Variants in SLC2A5 observed in about 807,000 individuals in gnomAD.
SLC2A5 encodes the protein solute carrier family 2, facilitated glucose transporter member 5.
Under a neutral mutation model 50.3 loss-of-function variants are expected in SLC2A5, and 56 were observed. The ratio of observed to expected loss-of-function variants is 1.11; its 90% CI spans 0.90 to 1.39. The LOEUF is 1.39. Ranked by LOEUF, SLC2A5 falls within the 40% of genes most tolerant of loss-of-function variation. SLC2A5 has a pLI of 0.00. For missense variants in SLC2A5, 566 were observed against 650.1 expected (o/e 0.87, Z 1.41); for synonymous variants, 269 against 281.9 (o/e 0.95, Z 0.46).
chr1:9,093,944 C>A, the SLC2A5 span, among the ~76,000 whole-genome samples: 1 of 152,114 alleles, frequency 6.6e-6, no homozygotes, highest in East Asian at 1.9e-4. Context: ...CAGGGCAGAT[C>A]AGGCCAACAA....
intron 2 of SLC2A5, among the ~76,000 whole-genome samples, chr1:9,081,876 G>A (rs936868561): frequency 6.6e-6 from 1 of 152,084 alleles, no homozygotes; most frequent in African/African-American, 2.4e-5. Context: ...TAGCCCAGGA[G>A]TTCAAGACCA....
chr1:9,071,009 T>C (rs1268360599), upstream of SLC2A5, among the ~76,000 whole-genome samples: 2 of 152,098 alleles, frequency 1.3e-5, no homozygotes, highest in Non-Finnish European at 2.9e-5. Flanking sequence ...TTCAAAGATC[T>C]AGAAAAAGTT....
chr1:9,046,318 C>G (rs1340255805), intron 4 of SLC2A5, among the ~76,000 whole-genome samples: 1 of 152,198 alleles, frequency 6.6e-6, no homozygotes, highest in Non-Finnish European at 1.5e-5. Context: ...CTCTACCCCT[C>G]ATCTCTCCTC....
intron 1 of SLC2A5, among the ~76,000 whole-genome samples, chr1:9,063,820 C>G (rs1025859634): frequency 7.0e-6 from 1 of 141,870 alleles, no homozygotes; most frequent in Non-Finnish European, 1.5e-5. Flanking sequence ...CTCAGCCTCC[C>G]GAGTAGCTGG....
At chr1:9,073,345 CAT>C (rs1356744641), upstream of SLC2A5, among the ~76,000 whole-genome samples, 2 of 152,262 alleles carry the variant, frequency 1.3e-5, no homozygotes, top group Non-Finnish European at 2.9e-5. Flanking sequence ...TCAGTACAGA[CAT>C]AAAGTTCCGC....
At chr1:9,038,682 C>T (rs1415006594) in intron 9 of SLC2A5, 146 bp downstream of exon 9, 19 of 1,328,346 alleles carry the variant, frequency 1.4e-5, no homozygotes, top group Admixed American at 4.6e-5. Flanking sequence ...GCAGGACACA[C>T]GGTCCCCAGA....
intron 3 of SLC2A5, among the ~76,000 whole-genome samples, chr1:9,052,491 G>A (rs1027834779): frequency 2.0e-5 from 3 of 152,030 alleles, no homozygotes; most frequent in Admixed American, 6.6e-5. Flanking sequence ...AAGTCATTAC[G>A]CATTTGTCAA....
At chr1:9,091,942 A>G (rs778365592), upstream of SLC2A5, among the ~76,000 whole-genome samples, 4 of 152,190 alleles carry the variant, frequency 2.6e-5, no homozygotes, top group Non-Finnish European at 2.9e-5. Flanking sequence ...CACACACTTT[A>G]ATATATACAC....
At position 9,035,331 on chromosome 1, in the gene SLC2A5, C is replaced by G. The variant is rs1569825046; in HGVS notation, c.*2255G>C. ...TTGACTTCTGATATTCTGACCTGGCCTCTCCTCAGCTCTGAGAGCCTTCAT... is the reference window on the plus strand; with the variant it reads ...TTGACTTCTGATATTCTGACCTGGCGTCTCCTCAGCTCTGAGAGCCTTCAT... On this transcript the variant is annotated 3_prime_UTR_variant, in exon 12 of 12. Transcript: ENST00000377424. 1 of 152,376 alleles carries G rather than the reference C, an allele frequency of 6.6e-6. No individual in the cohort carries two copies. Among genetic ancestry groups the G allele is most frequent in the African/African-American group, 2.4e-5 (1 of 41,572 alleles). The allele number at this position is 152,376 out of a possible 1,614,324, so 9.4% of individuals were successfully genotyped here. A position where few individuals can be genotyped will look rare whatever the true frequency, so the allele number is the denominator to read the frequency against.
intron 2 of SLC2A5, 77 bp from the exon 3 acceptor site, chr1:9,057,685 C>T: frequency 1.5e-6 from 2 of 1,307,516 alleles, no homozygotes; most frequent in Non-Finnish European, 2.2e-6. Context: ...GTTAGGACAC[C>T]CAATGAAATA....
At chr1:9,045,103 G>A (rs1051998440) in intron 4 of SLC2A5, among the ~76,000 whole-genome samples, 2 of 152,108 alleles carry the variant, frequency 1.3e-5, no homozygotes, top group Admixed American at 6.6e-5. Context: ...TGAGCATATG[G>A]GAGTTTTCCA....
Position 9,039,652 on chromosome 1 carries a change from T to A in SLC2A5, c.896A>T (p.Tyr299Phe). 6.5e-7 allele frequency: 1 copy of A among 1,546,836 alleles called. No individual in the cohort carries two copies. Among genetic ancestry groups the A allele is most frequent in the Non-Finnish European group, 8.7e-7 (1 of 1,146,418 alleles). The change falls in exon 8 of 12, where the codon TAC becomes TTC. Residue 299 changes from tyrosine to phenylalanine, a missense_variant. Transcript: ENST00000377424. ...QLSGVNAIYYYADQIYLSAGV... is the reference protein window; with the variant it reads ...QLSGVNAIYYFADQIYLSAGV... Reference sequence around the variant, plus strand: ...GGCGCTCAGGTAGATCTGGTCCGCGTAGTAGTAGATCTGCAAGGCAAGCGC... The same window carrying A: ...GGCGCTCAGGTAGATCTGGTCCGCGAAGTAGTAGATCTGCAAGGCAAGCGC...
upstream of SLC2A5, among the ~76,000 whole-genome samples, chr1:9,074,103 C>A (rs933852118): frequency 6.7e-6 from 1 of 149,756 alleles, no homozygotes; most frequent in African/African-American, 2.5e-5. Flanking sequence ...AAAAAAAATA[C>A]GTCAGTAGAA....
At chr1:9,061,201 G>A (rs1036303429) in intron 1 of SLC2A5, among the ~76,000 whole-genome samples, 9 of 149,902 alleles carry the variant, frequency 6.0e-5, no homozygotes, top group Admixed American at 2.0e-4. Context: ...AGGATCACTT[G>A]AGCACGGGAC....
At chr1:9,093,135 C>T (rs1222357245), upstream of SLC2A5, among the ~76,000 whole-genome samples, 5 of 152,088 alleles carry the variant, frequency 3.3e-5, no homozygotes, top group East Asian at 1.9e-4. Flanking sequence ...CACAACCCAT[C>T]GCCAACTCCT....
At position 9,037,531 on chromosome 1, in the gene SLC2A5, TAAGCCAAAGTGGG is replaced by T; in HGVS notation, c.*42_*54del. 1 of 1,478,836 alleles carries T rather than the reference TAAGCCAAAGTGGG, an allele frequency of 6.8e-7. No homozygotes were observed. 91.6% of individuals were successfully genotyped at this position (1,478,836 alleles called of 1,614,324 possible). A position where few individuals can be genotyped will look rare whatever the true frequency, so the allele number is the denominator to read the frequency against. On this transcript the variant is annotated 3_prime_UTR_variant, in exon 12 of 12. Transcript: ENST00000377424. ...CACAGACAGCTAGAAGTCAGAAAAA[TAAGCCAAAGTGGG>T]AAGCCCCTGGCAGACCAGCTCCACT...
intron 1 of SLC2A5, among the ~76,000 whole-genome samples, chr1:9,066,624 T>C (rs1642090580): frequency 6.6e-6 from 1 of 152,166 alleles, no homozygotes; most frequent in Non-Finnish European, 1.5e-5. Flanking sequence ...CCAACAGTCT[T>C]TTCTTCCTGG....
chr1:9,086,387 C>CTTTTTTTTTTTTTTT (rs34593630), intron 1 of SLC2A5, among the ~76,000 whole-genome samples: 4 of 140,550 alleles, frequency 2.8e-5, no homozygotes, highest in African/African-American at 1.1e-4. Context: ...TTTTCTCTCT[C>CTTTTTTTTTTTTTTT]TTTTTTTTTT....
intron 1 of SLC2A5, chr1:9,088,265 C>T (rs1346926033): frequency 1.3e-5 from 2 of 152,248 alleles, no homozygotes; most frequent in African/African-American, 4.8e-5. Context: ...ATATTCTCAA[C>T]TCTCTGCATC....
Sources: gnomAD v4.1 joint callset for allele counts (sites outside exome capture counted in the v4.1 genomes callset) on GRCh38, gnomAD v4.1.1 for gene constraint, MANE v1.5 for transcripts, NCBI Gene and HGNC (gene_info 2026-07-23, HGNC 2026-07-21) for gene names.